ITGAL: variants seen among roughly 807,000 people sequenced by gnomAD.
ITGAL encodes integrin alpha-L.
In ITGAL, 68 loss-of-function variants were observed where a neutral mutation model predicts 138.4. That is an observed-to-expected ratio of 0.49 (90% CI 0.40 to 0.60). The LOEUF is 0.60. ITGAL is among the 20% of genes least tolerant of loss of function. ITGAL has a pLI of 0.00. For missense variants in ITGAL, 1,256 were observed against 1,478.6 expected, an observed-to-expected ratio of 0.85 and a Z score of 2.47; for synonymous variants, 561 against 584.3, an observed-to-expected ratio of 0.96 and a Z score of 0.57.
At chr16:30,519,526 G>A (rs1003632713) in intron 29 of ITGAL, among the ~76,000 whole-genome samples, 1 of 152,220 alleles carries the variant, frequency 6.6e-6, no homozygotes, top group African/African-American at 2.4e-5. Flanking sequence ...GGTTTGAAGA[G>A]CAGGAAGTTC....
At chr16:30,476,778 G>A (rs918028129) in intron 4 of ITGAL, among the ~76,000 whole-genome samples, 5 of 151,948 alleles carry the variant, frequency 3.3e-5, no homozygotes, top group Admixed American at 1.3e-4. Context: ...GATTACAGGC[G>A]TGTGCCACCA....
At chr16:30,493,697 C>T (rs1220827702) in intron 11 of ITGAL, among the ~76,000 whole-genome samples, 2 of 152,084 alleles carry the variant, frequency 1.3e-5, no homozygotes, top group African/African-American at 4.8e-5. Context: ...TGAGACCATC[C>T]TGGCCAACAT....
chr16:30,501,502 A>G (rs1324826255), intron 17 of ITGAL, among the ~76,000 whole-genome samples: 1 of 151,136 alleles, frequency 6.6e-6, no homozygotes, highest in Non-Finnish European at 1.5e-5. Flanking sequence ...ACTTGAACCC[A>G]GGAGATGGAG....
At position 30,494,478 on chromosome 16, in the gene ITGAL, T is replaced by A; in HGVS notation, c.1365+115T>A. The A allele has an allele frequency of 3.3e-6, 4 of 1,209,590 alleles. No individual in the cohort carries two copies. The South Asian group carries it at 6.4e-5, about 19-fold the overall frequency. The allele number at this position is 1,209,590 out of a possible 1,614,324, so 74.9% of individuals were successfully genotyped here. On this transcript the variant is annotated intron_variant, in intron 12 of 30. Coordinates refer to ENST00000356798, the MANE Select transcript of ITGAL (RefSeq NM_002209.3). This position sits in a 1 kb window ranked among gnomAD's most constrained non-coding sequence, Gnocchi z 4.2. The stretch of plus-strand genomic sequence containing the variant: ...CATGTGGCAGCCCCTGTGCTAAACA[T>A]GATCACATTTATCCCTCATAACACA...
At chr16:30,511,961 G>A (rs2051097626) in intron 24 of ITGAL, among the ~76,000 whole-genome samples, 1 of 152,216 alleles carries the variant, frequency 6.6e-6, no homozygotes, top group African/African-American at 2.4e-5. Flanking sequence ...AGGGGGAAGA[G>A]AAAGGGGTTA....
At position 30,479,197 on chromosome 16, in the gene ITGAL, C is replaced by G. The variant is rs1298405619; in HGVS notation, c.434C>G (p.Pro145Arg). 6.2e-7 allele frequency: 1 copy of G among 1,613,962 alleles called. No homozygotes were observed. The highest frequency in any genetic ancestry group is 8.5e-7 in the Non-Finnish European group (1 of 1,180,002). Residue 145 changes from proline (P) to arginine (R), a missense_variant, in exon 5 of 31, where the codon CCT (proline) becomes CGT (arginine). Around this residue, in one of 3 missense-constraint regions of ITGAL, gnomAD observed 212 missense variants for 217.4 expected, o/e 0.98. Coordinates refer to ENST00000356798, the MANE Select transcript of ITGAL (RefSeq NM_002209.3). ...NLQGPMLQGRPGFQECIKGNV... is the reference protein window; with the variant it reads ...NLQGPMLQGRRGFQECIKGNV... ...CAGGGTCCCATGCTGCAGGGGCGCC[C>G]TGGTTTTCAGGGTAAGGAACTGGGG...
rs752341031 is a variant in ITGAL at position 30,499,101 on chromosome 16, C to G, written c.1860C>G (p.Thr620=). The G allele has an allele frequency of 6.2e-7, 1 of 1,614,084 alleles. No homozygotes were observed. The highest frequency in any genetic ancestry group is 8.5e-7 in the Non-Finnish European group (1 of 1,180,018). The part of the protein sequence containing the change: ...LSSRPVVDMV[T]LMSFSPAEIP... ...CCCGGCCCGTGGTGGATATGGTCAC[C>G]CTGATGTCCTTCTCTCCAGCTGAGA... is the stretch of plus-strand genomic sequence containing the variant. The change falls in exon 16 of 31, where the codon ACC becomes ACG. Residue 620 remains threonine, a synonymous_variant. Coordinates refer to ENST00000356798, the MANE Select transcript of ITGAL (RefSeq NM_002209.3).
At chr16:30,492,718 A>T (rs1399472851) in intron 11 of ITGAL, among the ~76,000 whole-genome samples, 1 of 151,148 alleles carries the variant, frequency 6.6e-6, no homozygotes, top group Non-Finnish European at 1.5e-5. Flanking sequence ...CACCATGCCC[A>T]GCTAATTTTT....
intron 14 of ITGAL, 41 bp downstream of exon 14, chr16:30,496,335 G>A: frequency 1.2e-6 from 2 of 1,603,832 alleles, no homozygotes; most frequent in East Asian, 2.2e-5. Context: ...ATTCTCAGGT[G>A]CCCTAAGCCC....
chr16:30,511,273 T>A, intron 24 of ITGAL, 137 bp downstream of exon 24: 2 of 683,388 alleles, frequency 2.9e-6, no homozygotes, highest in Non-Finnish European at 2.6e-6. Context: ...TAGAACTGAT[T>A]CCAGCCACAA....
chr16:30,494,677 A>G lies in ITGAL; in HGVS notation c.1366-36A>G. On this transcript the variant is annotated intron_variant, in intron 12 of 30. Transcript: ENST00000356798. The surrounding 1 kb of genome is among the most constrained non-coding windows in gnomAD (Gnocchi z 4.2). ...CTCCCTGCCAACCCCTGCTGTTCCCACAGGCGCTTCCCCAAACACCTGCCT... is the reference window on the plus strand; with the variant it reads ...CTCCCTGCCAACCCCTGCTGTTCCCGCAGGCGCTTCCCCAAACACCTGCCT... 3 of 1,574,964 alleles carry G rather than the reference A, an allele frequency of 1.9e-6. No individual in the cohort carries two copies. Among genetic ancestry groups the G allele is most frequent in the Non-Finnish European group, 2.6e-6 (3 of 1,157,894 alleles).
chr16:30,515,165 T>C (rs1431208225), intron 25 of ITGAL, among the ~76,000 whole-genome samples: 1 of 152,180 alleles, frequency 6.6e-6, no homozygotes, highest in East Asian at 1.9e-4. Flanking sequence ...TGTCTTCCCC[T>C]AAGCCAGCAT....
chr16:30,511,147 C>G lies in ITGAL; in HGVS notation c.2786+11C>G. 1.2e-6 allele frequency: 2 copies of G among 1,603,766 alleles called. No homozygotes were observed. The highest frequency in any genetic ancestry group is 3.3e-5 in the Admixed American group (2 of 59,984). Reference sequence around the variant, plus strand: ...CATCCTCATCCAGGAGTAAGTTCTTCCCAGCAGACAGCCAACCCTCTCCTC... The same window carrying G: ...CATCCTCATCCAGGAGTAAGTTCTTGCCAGCAGACAGCCAACCCTCTCCTC... On this transcript the variant is annotated intron_variant, in intron 24 of 30. Coordinates refer to ENST00000356798, the MANE Select transcript of ITGAL (RefSeq NM_002209.3).
At chr16:30,518,464 A>C (rs965102422) in intron 28 of ITGAL, among the ~76,000 whole-genome samples, 160 bp from the exon 29 acceptor site, 1 of 151,310 alleles carries the variant, frequency 6.6e-6, no homozygotes, top group Admixed American at 6.6e-5. Flanking sequence ...AAAAAAAAAA[A>C]TAGAAAGAAA....
In ITGAL at chr16:30,498,229, G is replaced by A. The variant is rs181550915; in HGVS notation, c.1833-845G>A. On this transcript the variant is annotated intron_variant, in intron 15 of 30. Coordinates refer to ENST00000356798, the MANE Select transcript of ITGAL (RefSeq NM_002209.3). ...AATCCCAGCTACTCGGGAGGCTGAG[G>A]CAGGAGAATTGCTTGAGCCCAAGAG... Among the ~76,000 whole-genome samples the A allele has an allele frequency of 4.9e-4, 73 of 150,022 alleles. 2 individuals carry two copies. In the East Asian group the frequency reaches 0.012, roughly 25 times the overall value.
At chr16:30,485,464 T>C (rs910340214) in intron 9 of ITGAL, among the ~76,000 whole-genome samples, 7 of 152,088 alleles carry the variant, frequency 4.6e-5, no homozygotes, top group Non-Finnish European at 8.8e-5. Flanking sequence ...CCTCGTGACC[T>C]GCCCGCCTTG....
Position 30,517,832 on chromosome 16 carries a change from T to G in ITGAL, c.3069T>G (p.Val1023=). The change falls in exon 28 of 31, where the codon GTT becomes GTG. Residue 1023 remains valine (V), a synonymous_variant. Coordinates refer to ENST00000356798, the MANE Select transcript of ITGAL (RefSeq NM_002209.3). ...CCGGAGCCCTGTTCCGCTGCCCTGTTGTCTTCAGGCAGGAGATCCTCGTCC... is the reference window on the plus strand; with the variant it reads ...CCGGAGCCCTGTTCCGCTGCCCTGTGGTCTTCAGGCAGGAGATCCTCGTCC... The part of the protein sequence containing the change: ...CLPGALFRCP[V]VFRQEILVQV... 6.2e-7 allele frequency: 1 copy of G among 1,614,190 alleles called. No homozygotes were observed. Among genetic ancestry groups the G allele is most frequent in the Non-Finnish European group, 8.5e-7 (1 of 1,180,032 alleles).
At chr16:30,473,702 G>A (rs1456408937) in intron 1 of ITGAL, among the ~76,000 whole-genome samples, 1 of 152,170 alleles carries the variant, frequency 6.6e-6, no homozygotes, top group African/African-American at 2.4e-5. Flanking sequence ...GAAGGGAGCT[G>A]GGATCTACAG....
At chr16:30,497,153 G>A (rs1176756527) in intron 15 of ITGAL, among the ~76,000 whole-genome samples, 2 of 151,996 alleles carry the variant, frequency 1.3e-5, no homozygotes, top group Non-Finnish European at 2.9e-5. Context: ...GACCATCCTG[G>A]CTAACACGGT....
Sources: gnomAD v4.1 joint callset for allele counts (sites outside exome capture counted in the v4.1 genomes callset) on GRCh38, gnomAD v4.1.1 for gene constraint, gnomAD v4.1.1 regional missense constraint, Gnocchi (gnomAD v3.1) non-coding constraint, MANE v1.5 for transcripts, NCBI Gene and HGNC (gene_info 2026-07-23, HGNC 2026-07-21) for gene names.